RRAS2: variants seen among roughly 807,000 people sequenced by gnomAD.
The protein encoded by RRAS2 is ras-related protein R-Ras2.
A neutral mutation model predicts 27.6 loss-of-function variants in RRAS2; 7 were observed. The observed-to-expected ratio is 0.25, with a 90% CI of 0.14 to 0.48. The LOEUF (loss-of-function observed/expected upper bound fraction) is 0.48, where lower values mean the gene tolerates loss of function less well. Among genes scored for constraint, RRAS2 ranks in the 20% least tolerant of loss-of-function variants. The pLI is 0.99. For missense variants in RRAS2, 178 were observed against 256.2 expected (o/e 0.69, Z 2.08); for synonymous variants, 86 against 90.9 (o/e 0.95, Z 0.31).
In RRAS2 at chr11:14,281,642, T is replaced by G; in HGVS notation, c.487A>C (p.Asn163His). ...YMEASAKIRMNVDQAFHELVR... is the reference protein window; with the variant it reads ...YMEASAKIRMHVDQAFHELVR... ...AGTTCATGGAAAGCTTGATCTACAT[T>G]CATCCTAATCTTTGCTGATGCCTCC... is the stretch of plus-strand genomic sequence containing the variant. The change falls in exon 5 of 6, where the codon AAT becomes CAT. Residue 163 changes from asparagine to histidine, a missense_variant. Coordinates refer to ENST00000256196, the MANE Select transcript of RRAS2 (RefSeq NM_012250.6). 4.4e-6 allele frequency: 7 copies of G among 1,602,800 alleles called. No individual in the cohort carries two copies. The highest frequency in any genetic ancestry group is 6.0e-6 in the Non-Finnish European group (7 of 1,176,358).
chr11:14,326,542 T>A (rs1428942985), intron 1 of RRAS2, among the ~76,000 whole-genome samples: 1 of 152,212 alleles, frequency 6.6e-6, no homozygotes, highest in East Asian at 1.9e-4. Context: ...TATCACCAAT[T>A]CTGAAATTTG....
chr11:14,298,055 T>C (rs111552878), intron 1 of RRAS2, among the ~76,000 whole-genome samples: 2 of 151,488 alleles, frequency 1.3e-5, no homozygotes, highest in African/African-American at 4.8e-5. Context: ...CCATGCCACT[T>C]CAAAAAGTAA....
intron 1 of RRAS2, among the ~76,000 whole-genome samples, chr11:14,314,376 T>C (rs1183874891): frequency 1.3e-5 from 2 of 152,188 alleles, no homozygotes; most frequent in Non-Finnish European, 2.9e-5. Context: ...CCTAAACTGT[T>C]CTGGTCTCTA....
At chr11:14,338,881 G>C (rs1554952870) in intron 1 of RRAS2, among the ~76,000 whole-genome samples, 1 of 151,976 alleles carries the variant, frequency 6.6e-6, no homozygotes, top group African/African-American at 2.4e-5. Flanking sequence ...AAAACATGAT[G>C]GGGAAACGGT....
At chr11:14,334,927 T>A (rs1848561104) in intron 1 of RRAS2, among the ~76,000 whole-genome samples, 1 of 152,102 alleles carries the variant, frequency 6.6e-6, no homozygotes, top group African/African-American at 2.4e-5. Context: ...TGCTCTTACC[T>A]TCCTTCTTTC....
chr11:14,304,956 G>A (rs1847799419), intron 1 of RRAS2, among the ~76,000 whole-genome samples: 1 of 152,116 alleles, frequency 6.6e-6, no homozygotes, highest in Non-Finnish European at 1.5e-5. Context: ...ACTGAAATTA[G>A]TATTTCATTT....
intron 4 of RRAS2, among the ~76,000 whole-genome samples, chr11:14,291,583 G>A (rs1849817672): frequency 6.6e-6 from 1 of 151,904 alleles, no homozygotes; most frequent in Non-Finnish European, 1.5e-5. Context: ...ATAACTTACT[G>A]CAAGCTAACA....
At chr11:14,289,101 T>A (rs1040473471) in intron 4 of RRAS2, among the ~76,000 whole-genome samples, 4 of 152,158 alleles carry the variant, frequency 2.6e-5, no homozygotes, top group African/African-American at 9.7e-5. Context: ...TAACGCCACA[T>A]GTGGTAAGAT....
intron 1 of RRAS2, among the ~76,000 whole-genome samples, chr11:14,329,063 A>AT (rs1848431142): frequency 1.2e-5 from 1 of 81,776 alleles, no homozygotes. Context: ...ACACACACAT[A>AT]TACATACACA....
chr11:14,360,877 C>A (rs1034775689), upstream of RRAS2, among the ~76,000 whole-genome samples: 1 of 147,652 alleles, frequency 6.8e-6, no homozygotes, highest in Admixed American at 6.7e-5. Flanking sequence ...GCCAAGTTCA[C>A]GCCACTGCAC....
In RRAS2 at chr11:14,325,489, G is replaced by A. The variant is rs372316398; in HGVS notation, c.109-29634C>T. ...TGGCTTTTTGTATTTTTAGCAGAGA[G>A]GGGGTTTCACCTTGTTAGCCAGAAT... On this transcript the variant is annotated intron_variant, in intron 1 of 5. Coordinates refer to ENST00000256196, the MANE Select transcript of RRAS2 (RefSeq NM_012250.6). 3.7e-4 allele frequency among the ~76,000 whole-genome samples: 57 copies of A among 152,070 alleles called. 1 individual carries two copies. Among genetic ancestry groups the A allele is most frequent in the African/African-American group, 1.3e-3 (55 of 41,538 alleles).
intron 1 of RRAS2, among the ~76,000 whole-genome samples, chr11:14,338,960 C>T (rs1554952885): frequency 6.6e-6 from 1 of 151,956 alleles, no homozygotes; most frequent in East Asian, 1.9e-4. Context: ...CTGTACTACG[C>T]CCAAAAGACC....
rs1848175355 is a variant in RRAS2 at position 14,319,317 on chromosome 11, T to A, written c.109-23462A>T. ...AGTAAAACCTGTACTACAATAAAAA[T>A]TATATTAACTATTCAGGTTCCCTCT... is the stretch of plus-strand genomic sequence containing the variant. On this transcript the variant is annotated intron_variant, in intron 1 of 5. Coordinates refer to ENST00000256196, the MANE Select transcript of RRAS2 (RefSeq NM_012250.6). 2.0e-5 allele frequency among the ~76,000 whole-genome samples: 3 copies of A among 150,812 alleles called. No individual in the cohort carries two copies. In the South Asian group the frequency reaches 6.3e-4, roughly 32 times the overall value.
chr11:14,339,552 A>G (rs1848656300), intron 1 of RRAS2, among the ~76,000 whole-genome samples: 1 of 152,180 alleles, frequency 6.6e-6, no homozygotes, highest in Admixed American at 6.5e-5. Context: ...TCCTCTATAA[A>G]GCACTCTAGC....
intron 1 of RRAS2, among the ~76,000 whole-genome samples, chr11:14,356,365 T>C (rs1225280579): frequency 6.6e-6 from 1 of 152,204 alleles, no homozygotes; most frequent in African/African-American, 2.4e-5. Flanking sequence ...ATCAATTTTT[T>C]CCACAGACTT....
At chr11:14,337,748 C>T (rs1554952734) in intron 1 of RRAS2, among the ~76,000 whole-genome samples, 1 of 151,768 alleles carries the variant, frequency 6.6e-6, no homozygotes, top group East Asian at 1.9e-4. Context: ...AATATATAGC[C>T]CTTGCAGGTA....
upstream of RRAS2, among the ~76,000 whole-genome samples, chr11:14,363,574 G>T (rs1174152813): frequency 6.6e-6 from 1 of 152,032 alleles, no homozygotes; most frequent in Non-Finnish European, 1.5e-5. Context: ...TTCAAGACCA[G>T]CCTGGCCAAC....
Position 14,359,004 on chromosome 11 carries a change from T to C in RRAS2, c.-134A>G. The C allele has an allele frequency of 4.4e-6, 5 of 1,140,602 alleles. No homozygotes were observed. Among genetic ancestry groups the C allele is most frequent in the Non-Finnish European group, 5.4e-6 (5 of 930,720 alleles). 70.7% of individuals were successfully genotyped at this position (1,140,602 alleles called of 1,614,324 possible). A position where few individuals can be genotyped will look rare whatever the true frequency, so the allele number is the denominator to read the frequency against. On this transcript the variant is annotated 5_prime_UTR_variant, in exon 1 of 6. Transcript: ENST00000256196. Reference sequence around the variant, plus strand: ...CTGGGGTCCCGGGTACCGGGAGGCGTCTGGAGGGCCGGTCAGCGCGGTAGC... The same window carrying C: ...CTGGGGTCCCGGGTACCGGGAGGCGCCTGGAGGGCCGGTCAGCGCGGTAGC...
intron 4 of RRAS2, among the ~76,000 whole-genome samples, chr11:14,284,519 C>T (rs559939776): frequency 6.9e-4 from 105 of 152,218 alleles, no homozygotes; most frequent in Admixed American, 1.5e-3. Context: ...ATGTTGTGTT[C>T]AGTATTGTTG....
Sources: gnomAD v4.1 joint callset for allele counts (sites outside exome capture counted in the v4.1 genomes callset) on GRCh38, gnomAD v4.1.1 for gene constraint, MANE v1.5 for transcripts, NCBI Gene and HGNC (gene_info 2026-07-23, HGNC 2026-07-21) for gene names.